Variants in CALN1 observed in about 807,000 individuals in gnomAD.
The protein encoded by CALN1 is calneuron 1, also known as calcium-binding protein 8.
Under a neutral mutation model 30.6 loss-of-function variants are expected in CALN1, and 17 were observed. The observed-to-expected ratio is 0.56, with a 90% CI of 0.38 to 0.83. CALN1 has a LOEUF of 0.83. Among genes scored for constraint, CALN1 ranks in the 40% least tolerant of loss-of-function variants. CALN1 has a pLI of 0.00. For missense variants in CALN1, 291 were observed against 354.9 expected (o/e 0.82, Z 1.45); for synonymous variants, 156 against 131.4 (o/e 1.19, Z -1.28).
At chr7:72,207,842 A>G (rs532714232) in intron 3 of CALN1, among the ~76,000 whole-genome samples, 1 of 152,308 alleles carries the variant, frequency 6.6e-6, no homozygotes, top group East Asian at 1.9e-4. Context: ...TGCAATGCAT[A>G]TATATTACTT....
intron 3 of CALN1, among the ~76,000 whole-genome samples, chr7:72,111,950 T>C (rs1362294628): frequency 6.6e-6 from 1 of 151,490 alleles, no homozygotes; most frequent in African/African-American, 2.4e-5. Context: ...GGTGTTTCAC[T>C]ATGTCAGCCA....
intron 5 of CALN1, among the ~76,000 whole-genome samples, chr7:71,962,042 C>T (rs951501896): frequency 2.6e-5 from 4 of 151,984 alleles, no homozygotes; most frequent in Non-Finnish European, 5.9e-5. Context: ...TTTGTATCTG[C>T]GTATTCCGTT....
intron 5 of CALN1, among the ~76,000 whole-genome samples, chr7:71,895,530 T>C (rs1351421285): frequency 2.6e-5 from 4 of 152,194 alleles, no homozygotes; most frequent in African/African-American, 7.2e-5. Flanking sequence ...GCACCTCTCA[T>C]GTATCACCTT....
intron 2 of CALN1, among the ~76,000 whole-genome samples, chr7:72,295,912 T>C (rs1585395578): frequency 1.3e-5 from 2 of 151,378 alleles, no homozygotes; most frequent in African/African-American, 2.4e-5. Flanking sequence ...TGAATAGGAG[T>C]GGTGAGAGAG....
At chr7:72,152,540 G>A (rs992207025) in intron 3 of CALN1, among the ~76,000 whole-genome samples, 8 of 152,102 alleles carry the variant, frequency 5.3e-5, no homozygotes, top group African/African-American at 1.4e-4. Context: ...TACCTGCCAG[G>A]AACCACAGGT....
intron 3 of CALN1, among the ~76,000 whole-genome samples, chr7:72,182,954 T>C (rs545153032): frequency 2.0e-5 from 3 of 152,288 alleles, no homozygotes; most frequent in Non-Finnish European, 2.9e-5. Flanking sequence ...CATTGAATGC[T>C]ATGAAAAGGA....
At chr7:72,496,287 T>C in the CALN1 span, among the ~76,000 whole-genome samples, 1 of 152,186 alleles carries the variant, frequency 6.6e-6, no homozygotes, top group Non-Finnish European at 1.5e-5. Flanking sequence ...TCCAGTATAA[T>C]GGAGAATGAA....
rs116082460 is a variant in CALN1 at position 72,347,774 on chromosome 7, G to A, written c.119+55477C>T. On this transcript the variant is annotated intron_variant, in intron 2 of 6. Transcript: ENST00000395275. ...TGAACATGCCCACTAAAAAGAAAAC[G>A]GACCAATTTTTGCTTCTATGTTACT... is the stretch of plus-strand genomic sequence containing the variant. Among the ~76,000 whole-genome samples, 1,048 of 152,204 alleles carry A rather than the reference G, an allele frequency of 6.9e-3. 14 individuals carry two copies. Among genetic ancestry groups the A allele is most frequent in the African/African-American group, 0.024 (1,004 of 41,524 alleles).
At chr7:72,069,762 C>G (rs987116016) in intron 4 of CALN1, among the ~76,000 whole-genome samples, 1 of 152,126 alleles carries the variant, frequency 6.6e-6, no homozygotes, top group Non-Finnish European at 1.5e-5. Flanking sequence ...CTTTGGGAGG[C>G]CATTTTTCAG....
intron 5 of CALN1, among the ~76,000 whole-genome samples, chr7:72,018,914 G>C (rs879593062): frequency 2.2e-4 from 33 of 152,050 alleles, no homozygotes; most frequent in Non-Finnish European, 3.7e-4. Context: ...TCAGCTCACT[G>C]CAACCTCCAC....
intron 2 of CALN1, among the ~76,000 whole-genome samples, chr7:72,398,693 A>G (rs1317257091): frequency 6.6e-6 from 1 of 152,248 alleles, no homozygotes; most frequent in African/African-American, 2.4e-5. Flanking sequence ...GAAGTAAAGA[A>G]GTGAAGGATT....
At chr7:72,219,676 T>C (rs968733286) in intron 3 of CALN1, among the ~76,000 whole-genome samples, 4 of 125,432 alleles carry the variant, frequency 3.2e-5, no homozygotes, top group African/African-American at 8.3e-5. Context: ...TGCACACACA[T>C]GCATACACAT....
intron 2 of CALN1, among the ~76,000 whole-genome samples, chr7:72,356,655 T>C (rs1222029610): frequency 1.3e-5 from 2 of 151,940 alleles, no homozygotes; most frequent in Non-Finnish European, 2.9e-5. Flanking sequence ...TCAAAATATA[T>C]AAAGCAAAAC....
chr7:72,034,073 G>T (rs555852487), intron 4 of CALN1, among the ~76,000 whole-genome samples: 1 of 152,242 alleles, frequency 6.6e-6, no homozygotes, highest in East Asian at 1.9e-4. Flanking sequence ...GGAACAACAG[G>T]CCAGGTGCGG....
chr7:72,420,913 C>T (rs369768693), intron 1 of CALN1, among the ~76,000 whole-genome samples: 10 of 152,122 alleles, frequency 6.6e-5, no homozygotes, highest in South Asian at 2.1e-4. Flanking sequence ...CACGCCTGGC[C>T]GGGATGCATC....
chr7:72,367,027 A>G (rs1455986057), intron 2 of CALN1, among the ~76,000 whole-genome samples: 1 of 151,980 alleles, frequency 6.6e-6, no homozygotes, highest in African/African-American at 2.4e-5. Context: ...CTACAACCAC[A>G]TGGATGAACC....
intron 1 of CALN1, among the ~76,000 whole-genome samples, chr7:72,443,329 G>A (rs6460725): frequency 0.13 from 19,171 of 152,154 alleles, 2,318 homozygotes; most frequent in East Asian, 0.65. Context: ...TGCTCAGTGC[G>A]TATTTGTTCA....
At chr7:72,311,721 T>C (rs998539238) in intron 2 of CALN1, among the ~76,000 whole-genome samples, 6 of 128,322 alleles carry the variant, frequency 4.7e-5, no homozygotes, top group African/African-American at 8.8e-5. Flanking sequence ...GGTCTCGAAC[T>C]CCTGAGCTCA....
intron 2 of CALN1, among the ~76,000 whole-genome samples, chr7:72,288,937 G>T (rs1341303410): frequency 2.0e-5 from 3 of 152,098 alleles, no homozygotes; most frequent in Non-Finnish European, 4.4e-5. Context: ...GTTCTTGCAG[G>T]CTACTCCTTT....
Sources: allele counts gnomAD v4.1 joint callset (sites outside exome capture counted in the v4.1 genomes callset), GRCh38; gene constraint gnomAD v4.1.1; transcripts MANE v1.5; gene names NCBI Gene and HGNC (gene_info 2026-07-23, HGNC 2026-07-21).